Variants in CFAP47 observed in about 807,000 individuals in gnomAD.
CFAP47 encodes cilia and flagella associated protein 47.
A neutral mutation model predicts 148.1 loss-of-function variants in CFAP47; 29 were observed. The ratio of observed to expected loss-of-function variants is 0.20; its 90% confidence interval spans 0.15 to 0.27. The LOEUF (loss-of-function observed/expected upper bound fraction) is 0.27. Ranked by LOEUF, CFAP47 falls within the 10% of genes least tolerant of loss-of-function variation. The pLI is 1.00. For missense variants in CFAP47, 1,872 were observed against 1,697.5 expected, an observed-to-expected ratio of 1.10 and a Z score of -1.81; for synonymous variants, 664 against 577.3, an observed-to-expected ratio of 1.15 and a Z score of -2.15.
chrX:36,150,503 T>A (rs764388230), intron 37 of CFAP47, among the ~76,000 whole-genome samples: 13 of 112,388 alleles, frequency 1.2e-4, no homozygotes, highest in Non-Finnish European at 1.3e-4. Context: ...ATGTGATAGA[T>A]AACTACTAAA....
chrX:35,970,191 T>C (rs1049690377), intron 10 of CFAP47, among the ~76,000 whole-genome samples: 1 of 109,871 alleles, frequency 9.1e-6, no homozygotes, highest in African/African-American at 3.3e-5. Context: ...TGAAAATATA[T>C]GGTGGGTAAA....
chrX:36,207,130 G>T (rs1032690816), intron 45 of CFAP47, among the ~76,000 whole-genome samples: 16 of 112,085 alleles, frequency 1.4e-4, no homozygotes, highest in African/African-American at 4.8e-4. Flanking sequence ...CTTGAATAAT[G>T]AAAAGGAATG....
At chrX:36,088,847 A>G (rs1414400043) in intron 30 of CFAP47, among the ~76,000 whole-genome samples, 1 of 111,866 alleles carries the variant, frequency 8.9e-6, no homozygotes, top group African/African-American at 3.2e-5. Flanking sequence ...TTTGTGTAGT[A>G]TAAAACTAAA....
At chrX:36,155,363 A>G in intron 37 of CFAP47, among the ~76,000 whole-genome samples, 1 of 111,476 alleles carries the variant, frequency 9.0e-6, no homozygotes, top group African/African-American at 3.2e-5. Flanking sequence ...TCTGTACTGT[A>G]TGTGCACAGG....
intron 33 of CFAP47, among the ~76,000 whole-genome samples, chrX:36,109,968 G>A (rs1333418136): frequency 9.0e-6 from 1 of 111,459 alleles, no homozygotes; most frequent in Admixed American, 9.5e-5. Flanking sequence ...TTTTTGGCTT[G>A]TAAATTTAAG....
chrX:36,272,844 G>T (rs184256146), intron 49 of CFAP47, among the ~76,000 whole-genome samples: 1 of 111,379 alleles, frequency 9.0e-6, no homozygotes, highest in African/African-American at 3.2e-5. Flanking sequence ...TCCCTCATAT[G>T]TGAGTGATTT....
intron 48 of CFAP47, among the ~76,000 whole-genome samples, chrX:36,244,540 T>C (rs1569298366): frequency 9.0e-6 from 1 of 111,235 alleles, no homozygotes; most frequent in African/African-American, 3.3e-5. Flanking sequence ...CAATTGTAAA[T>C]GATGAAGACA....
rs73468918 is a variant in CFAP47, at chrX:35,956,874, C to T, written c.1410+678C>T. Among the ~76,000 whole-genome samples the T allele has an allele frequency of 3.5e-3, 393 of 111,292 alleles. 1 individual carries two copies. The highest frequency in any genetic ancestry group is 0.012 in the African/African-American group (365 of 30,610). On this transcript the variant is annotated intron_variant, in intron 8 of 63. Coordinates refer to ENST00000378653, the MANE Select transcript of CFAP47 (RefSeq NM_001304548.2). ...GTAATTAGTGTTTTTGGAATATAGC[C>T]ACTCTTATTTGTTCACCTATTGTCT... is the stretch of plus-strand genomic sequence containing the variant.
chrX:36,076,359 G>A (rs189878871), intron 29 of CFAP47, among the ~76,000 whole-genome samples: 1,248 of 79,761 alleles, frequency 0.016, 44 homozygotes, highest in African/African-American at 0.061. Flanking sequence ...GCCCCGGTGT[G>A]TGATAAACAT....
intron 23 of CFAP47, among the ~76,000 whole-genome samples, chrX:36,034,708 G>T (rs1177221764): frequency 9.0e-6 from 1 of 110,545 alleles, no homozygotes; most frequent in Non-Finnish European, 1.9e-5. Flanking sequence ...TGATTTTGAA[G>T]TATTTTCTTA....
At chrX:35,930,476 A>C (rs975319996) in intron 2 of CFAP47, among the ~76,000 whole-genome samples, 1 of 111,195 alleles carries the variant, frequency 9.0e-6, no homozygotes, top group Non-Finnish European at 1.9e-5. Context: ...TCATAAAATG[A>C]ATTTGGAAAT....
intron 26 of CFAP47, among the ~76,000 whole-genome samples, chrX:36,055,095 T>C (rs1207182771): frequency 9.4e-6 from 1 of 105,828 alleles, no homozygotes; most frequent in Non-Finnish European, 1.9e-5. Flanking sequence ...GCTCTTAGTA[T>C]TTTTTCTTAT....
intron 44 of CFAP47, among the ~76,000 whole-genome samples, chrX:36,204,264 A>C (rs1226261989): frequency 7.2e-5 from 8 of 111,256 alleles, no homozygotes; most frequent in Non-Finnish European, 1.3e-4. Flanking sequence ...ATTAGATCCC[A>C]TTTGTCAATT....
chrX:36,367,154 C>T (rs1556020480), intron 62 of CFAP47, 27 bp downstream of exon 62: 3 of 1,016,308 alleles, frequency 3.0e-6, no homozygotes, highest in Non-Finnish European at 4.0e-6. Flanking sequence ...AAGTATGTAG[C>T]TGTTTTAGTG....
intron 46 of CFAP47, among the ~76,000 whole-genome samples, chrX:36,232,809 GT>G (rs1416041328): frequency 8.9e-6 from 1 of 111,780 alleles, no homozygotes; most frequent in Non-Finnish European, 1.9e-5. Flanking sequence ...ATTCTGGTAT[GT>G]TGTGTCTTTG....
chrX:36,296,414 T>C (rs949609587), intron 51 of CFAP47, among the ~76,000 whole-genome samples: 11 of 112,333 alleles, frequency 9.8e-5, no homozygotes, highest in Non-Finnish European at 1.9e-4. Flanking sequence ...AATCTAAATT[T>C]AATGTGTAGG....
At chrX:36,261,077 T>G (rs1420534146) in intron 49 of CFAP47, among the ~76,000 whole-genome samples, 1 of 109,629 alleles carries the variant, frequency 9.1e-6, no homozygotes, top group Non-Finnish European at 1.9e-5. Flanking sequence ...TCTATTTCTG[T>G]ACAGGTACCT....
chrX:36,103,501 GAAAAAAAAAAA>G (rs61501194), intron 32 of CFAP47, among the ~76,000 whole-genome samples: 2 of 15,056 alleles, frequency 1.3e-4, no homozygotes, highest in Admixed American at 9.3e-4. Flanking sequence ...TCATATGCCA[GAAAAAAAAAAA>G]AAAAAAAAAA....
intron 54 of CFAP47, 28 bp from the exon 55 acceptor site, chrX:36,306,744 T>C: frequency 2.0e-6 from 2 of 992,223 alleles, no homozygotes; most frequent in Non-Finnish European, 1.4e-6. Flanking sequence ...TAATTTTTGT[T>C]CCCCCTTTGC....
Sources: gnomAD v4.1 joint callset for allele counts (sites outside exome capture counted in the v4.1 genomes callset) on GRCh38, gnomAD v4.1.1 for gene constraint, MANE v1.5 for transcripts, NCBI Gene and HGNC (gene_info 2026-07-23, HGNC 2026-07-21) for gene names.